Variants in SGCZ observed in about 807,000 individuals in gnomAD.
SGCZ encodes zeta-sarcoglycan.
SGCZ carries 40 observed loss-of-function variants against 41.3 expected under a neutral mutation model. The ratio of observed to expected loss-of-function variants is 0.97; its 90% CI spans 0.75 to 1.26. The LOEUF (loss-of-function observed/expected upper bound fraction) is 1.26. SGCZ is among the 50% of genes most tolerant of loss of function. The probability of loss-of-function intolerance (pLI) is 0.00; values close to 1 mark genes in which losing one functional copy is unlikely to be tolerated. For missense variants in SGCZ, 552 were observed against 369.8 expected, an observed-to-expected ratio of 1.49 and a Z score of -4.04; for synonymous variants, 206 against 137.5, an observed-to-expected ratio of 1.50 and a Z score of -3.49.
At chr8:14,524,882 A>T (rs897405637) in intron 2 of SGCZ, among the ~76,000 whole-genome samples, 1 of 152,010 alleles carries the variant, frequency 6.6e-6, no homozygotes, top group Non-Finnish European at 1.5e-5. Context: ...TATAATTCTG[A>T]CATGTTTGGT....
In SGCZ at chr8:15,028,992, G is replaced by T. The variant is rs575549205; in HGVS notation, c.39+208593C>A. Among the ~76,000 whole-genome samples the T allele has an allele frequency of 2.0e-5, 3 of 152,114 alleles. No individual in the cohort carries two copies. The East Asian group carries it at 5.8e-4, about 29-fold the overall frequency. On this transcript the variant is annotated intron_variant, in intron 1 of 7. Coordinates refer to ENST00000382080, the MANE Select transcript of SGCZ (RefSeq NM_139167.4). ...GAAAAACATTTTCCTGCATACTGAT[G>T]AACTAAAAGTCACCCTCCTGCAGAA...
chr8:14,348,695 C>T (rs989957705), intron 2 of SGCZ, among the ~76,000 whole-genome samples: 1 of 152,076 alleles, frequency 6.6e-6, no homozygotes, highest in South Asian at 2.1e-4. Flanking sequence ...ATATCTAACA[C>T]ACATGAAAAT....
intron 2 of SGCZ, among the ~76,000 whole-genome samples, chr8:14,489,147 TTTAC>T (rs1227496409): frequency 1.3e-5 from 2 of 152,078 alleles, no homozygotes; most frequent in East Asian, 3.8e-4. Context: ...CATGTCACCT[TTTAC>T]TTAAGAATTC....
At chr8:14,578,604 T>C (rs1450701350) in intron 1 of SGCZ, among the ~76,000 whole-genome samples, 1 of 152,234 alleles carries the variant, frequency 6.6e-6, no homozygotes, top group Admixed American at 6.5e-5. Flanking sequence ...GATTAATATG[T>C]ATGAGTGCTA....
chr8:14,796,426 GT>G (rs772123804), intron 1 of SGCZ, among the ~76,000 whole-genome samples: 75 of 132,924 alleles, frequency 5.6e-4, no homozygotes, highest in African/African-American at 2.8e-3. Flanking sequence ...TTCTATTTTT[GT>G]TTTTTTTCTA....
intron 2 of SGCZ, among the ~76,000 whole-genome samples, chr8:14,416,907 T>C (rs997187083): frequency 6.6e-6 from 1 of 151,840 alleles, no homozygotes; most frequent in African/African-American, 2.4e-5. Flanking sequence ...ATTATTATTA[T>C]GAGGAAAAAA....
chr8:14,128,727 A>G (rs1240048347), intron 5 of SGCZ, among the ~76,000 whole-genome samples: 1 of 152,150 alleles, frequency 6.6e-6, no homozygotes, highest in East Asian at 1.9e-4. Flanking sequence ...ATACACACAC[A>G]CACACACACC....
rs546154369 is a variant in SGCZ at position 14,086,683 on chromosome 8, C to G, written c.*3760G>C. 5.9e-5 allele frequency among the ~76,000 whole-genome samples: 9 copies of G among 151,602 alleles called. No homozygotes were observed. In the South Asian group the frequency reaches 1.9e-3, roughly 32 times the overall value. The stretch of plus-strand genomic sequence containing the variant: ...CAACCATATTACTGAATCCTGTTAA[C>G]CAGGCATGATTTTTCCAAAGGAACC... On this transcript the variant is annotated 3_prime_UTR_variant, in exon 8 of 8. Coordinates refer to ENST00000382080, the MANE Select transcript of SGCZ (RefSeq NM_139167.4).
intron 2 of SGCZ, among the ~76,000 whole-genome samples, chr8:14,532,864 C>T (rs1803177110): frequency 6.6e-6 from 1 of 151,876 alleles, no homozygotes; most frequent in Admixed American, 6.6e-5. Flanking sequence ...CATTCTTTTG[C>T]TCTGAGCTTA....
intron 1 of SGCZ, among the ~76,000 whole-genome samples, chr8:15,004,748 G>A (rs993658195): frequency 6.6e-6 from 1 of 152,170 alleles, no homozygotes; most frequent in Non-Finnish European, 1.5e-5. Flanking sequence ...ACAAAAGTAT[G>A]TATTATAAGG....
intron 2 of SGCZ, among the ~76,000 whole-genome samples, chr8:14,356,875 G>T (rs1803315925): frequency 6.6e-6 from 1 of 151,956 alleles, no homozygotes; most frequent in Admixed American, 6.6e-5. Context: ...TTTGTTTTTA[G>T]ATTCAGAAAT....
intron 2 of SGCZ, among the ~76,000 whole-genome samples, chr8:14,465,981 A>T (rs1250882065): frequency 6.6e-6 from 1 of 151,968 alleles, no homozygotes; most frequent in Admixed American, 6.6e-5. Flanking sequence ...TGTACAAAAC[A>T]AACAGTAGAG....
intron 1 of SGCZ, among the ~76,000 whole-genome samples, chr8:15,107,412 T>G (rs1806873185): frequency 6.6e-6 from 1 of 152,164 alleles, no homozygotes; most frequent in African/African-American, 2.4e-5. Flanking sequence ...ATAACCTCCT[T>G]CAGGGTGAGA....
At chr8:14,763,265 C>T (rs1414152956) in intron 1 of SGCZ, among the ~76,000 whole-genome samples, 1 of 152,076 alleles carries the variant, frequency 6.6e-6, no homozygotes, top group African/African-American at 2.4e-5. Context: ...AGATACTGTT[C>T]ATTGCAGCCA....
intron 1 of SGCZ, among the ~76,000 whole-genome samples, chr8:15,146,417 G>C (rs2117008349): frequency 6.6e-6 from 1 of 152,268 alleles, no homozygotes; most frequent in East Asian, 1.9e-4. Flanking sequence ...CCAAGTTGGA[G>C]TGCAGTGGCT....
chr8:14,387,923 G>C (rs955369634), intron 2 of SGCZ, among the ~76,000 whole-genome samples: 3 of 152,028 alleles, frequency 2.0e-5, no homozygotes, highest in African/African-American at 7.2e-5. Flanking sequence ...AGAGAGAGAA[G>C]TGGAATGAAA....
intron 1 of SGCZ, among the ~76,000 whole-genome samples, chr8:15,117,187 G>A (rs1395411167): frequency 2.0e-5 from 3 of 152,094 alleles, no homozygotes; most frequent in East Asian, 1.9e-4. Flanking sequence ...GTGAAACCCC[G>A]TCTCTACTAA....
At chr8:15,030,460 A>T (rs1041939467) in intron 1 of SGCZ, among the ~76,000 whole-genome samples, 1 of 152,184 alleles carries the variant, frequency 6.6e-6, no homozygotes. Flanking sequence ...GTAATGACTG[A>T]AAAAAAGTTT....
chr8:14,129,785 G>A (rs1459237391), intron 5 of SGCZ, among the ~76,000 whole-genome samples: 4 of 151,676 alleles, frequency 2.6e-5, no homozygotes, highest in East Asian at 1.9e-4. Flanking sequence ...TGACAAAAAA[G>A]GTTAACAGCC....
Sources: allele counts gnomAD v4.1 joint callset (sites outside exome capture counted in the v4.1 genomes callset), GRCh38; gene constraint gnomAD v4.1.1; transcripts MANE v1.5; gene names NCBI Gene and HGNC (gene_info 2026-07-23, HGNC 2026-07-21).